IGSF11: variants seen among roughly 807,000 people sequenced by gnomAD.
IGSF11 encodes the protein CXADR like 1.
Under a neutral mutation model 41.0 loss-of-function variants are expected in IGSF11, and 22 were observed. That is an observed-to-expected ratio of 0.54 (90% CI 0.38 to 0.77). IGSF11 has a LOEUF of 0.77. Among genes scored for constraint, IGSF11 ranks in the 30% least tolerant of loss-of-function variants. IGSF11 has a pLI of 0.00. For synonymous variants in IGSF11, 219 were observed against 201.3 expected, an observed-to-expected ratio of 1.09 and a Z score of -0.74; for missense variants, 444 against 530.8, an observed-to-expected ratio of 0.84 and a Z score of 1.61.
At chr3:118,963,488 T>C (rs1221241194) in intron 1 of IGSF11, among the ~76,000 whole-genome samples, 1 of 152,204 alleles carries the variant, frequency 6.6e-6, no homozygotes, top group Non-Finnish European at 1.5e-5. Flanking sequence ...ATCTTTATTC[T>C]GATGAGGGTT....
intron 1 of IGSF11, among the ~76,000 whole-genome samples, chr3:119,057,341 G>A (rs1035908431): frequency 6.6e-6 from 1 of 151,988 alleles, no homozygotes; most frequent in Non-Finnish European, 1.5e-5. Context: ...GACAAACAGA[G>A]AGCCAAATCA....
intron 1 of IGSF11, among the ~76,000 whole-genome samples, chr3:119,008,497 A>G (rs1372798229): frequency 6.6e-6 from 1 of 152,258 alleles, no homozygotes; most frequent in Admixed American, 6.5e-5. Context: ...AGAGAGGTAG[A>G]AAGAGAATCA....
intron 1 of IGSF11, among the ~76,000 whole-genome samples, chr3:119,132,747 C>A (rs1008534983): frequency 1.3e-5 from 2 of 152,166 alleles, no homozygotes; most frequent in Non-Finnish European, 2.9e-5. Flanking sequence ...ACTCTCCACC[C>A]CAAATCAATA....
intron 1 of IGSF11, among the ~76,000 whole-genome samples, chr3:119,139,106 G>C (rs1359671818): frequency 6.6e-6 from 1 of 151,922 alleles, no homozygotes; most frequent in Non-Finnish European, 1.5e-5. Flanking sequence ...TTGCATACTT[G>C]TATCAAAATA....
At chr3:119,070,723 A>G (rs893673044) in intron 1 of IGSF11, among the ~76,000 whole-genome samples, 1 of 152,184 alleles carries the variant, frequency 6.6e-6, no homozygotes, top group Non-Finnish European at 1.5e-5. Context: ...GCACCTGTGG[A>G]ATAAAGACAA....
rs973473846 is a variant in IGSF11, at chr3:118,926,001, T to C, written c.580+100A>G. On this transcript the variant is annotated intron_variant, in intron 4 of 6. Coordinates refer to ENST00000393775, the MANE Select transcript of IGSF11 (RefSeq NM_001015887.3). Reference sequence around the variant, plus strand: ...ATCCAGAAAGCTTTTTCAGCAGTTATAGGGTGTTATTTTTCAAAACCTATT... The same window carrying C: ...ATCCAGAAAGCTTTTTCAGCAGTTACAGGGTGTTATTTTTCAAAACCTATT... The C allele has an allele frequency of 3.6e-5, 30 of 835,980 alleles. No homozygotes were observed. In the African/African-American group the frequency reaches 4.1e-4, roughly 11 times the overall value. The allele number at this position is 835,980 out of a possible 1,614,324, so 51.8% of individuals were successfully genotyped here.
At chr3:119,107,270 G>A (rs1209218718), upstream of IGSF11, among the ~76,000 whole-genome samples, 1 of 152,288 alleles carries the variant, frequency 6.6e-6, no homozygotes, top group South Asian at 2.1e-4. Context: ...ACTCTTCAAT[G>A]ATCACCATTC....
intron 1 of IGSF11, among the ~76,000 whole-genome samples, chr3:118,946,392 C>T (rs1229365428): frequency 6.6e-6 from 1 of 151,100 alleles, no homozygotes; most frequent in African/African-American, 2.4e-5. Flanking sequence ...ATACTTGCAA[C>T]CTATTTATAG....
At chr3:118,983,411 G>A (rs1262718381) in intron 1 of IGSF11, 1 of 152,132 alleles carries the variant, frequency 6.6e-6, no homozygotes, top group Non-Finnish European at 1.5e-5. Flanking sequence ...AAATATACAA[G>A]ACACAGTTAA....
At chr3:118,961,924 T>C (rs973227609) in intron 1 of IGSF11, among the ~76,000 whole-genome samples, 1 of 152,222 alleles carries the variant, frequency 6.6e-6, no homozygotes. Context: ...AACCAACACA[T>C]TCTCATTTCT....
chr3:118,954,555 G>C (rs1260316841), intron 1 of IGSF11, among the ~76,000 whole-genome samples: 1 of 152,030 alleles, frequency 6.6e-6, no homozygotes, highest in East Asian at 1.9e-4. Context: ...TGACAAAAAT[G>C]TTCTTAATGG....
upstream of IGSF11, among the ~76,000 whole-genome samples, chr3:119,035,141 A>C (rs2107742590): frequency 6.6e-6 from 1 of 152,206 alleles, no homozygotes; most frequent in East Asian, 1.9e-4. Context: ...CTTGGTCTAA[A>C]CCCCTCCGCA....
intron 1 of IGSF11, among the ~76,000 whole-genome samples, chr3:118,984,643 G>C (rs1935077229): frequency 6.6e-6 from 1 of 152,076 alleles, no homozygotes; most frequent in Non-Finnish European, 1.5e-5. Flanking sequence ...GGTAGGAAGA[G>C]ACAGGTTACC....
At chr3:118,917,038 A>T (rs1941202813) in intron 4 of IGSF11, among the ~76,000 whole-genome samples, 1 of 152,204 alleles carries the variant, frequency 6.6e-6, no homozygotes, top group African/African-American at 2.4e-5. Context: ...AGGCAGAAAT[A>T]AAGATGTTCT....
chr3:119,007,172 C>T (rs1045855513), intron 1 of IGSF11, among the ~76,000 whole-genome samples: 1 of 144,124 alleles, frequency 6.9e-6, no homozygotes, highest in African/African-American at 2.7e-5. Flanking sequence ...CGTGGTGCGC[C>T]GTTTTTTAAG....
chr3:118,978,618 C>G (rs977487709), intron 1 of IGSF11, among the ~76,000 whole-genome samples: 1 of 152,224 alleles, frequency 6.6e-6, no homozygotes, highest in Non-Finnish European at 1.5e-5. Flanking sequence ...AACTTCACCA[C>G]AGCCTTCTCT....
At chr3:119,071,661 C>T (rs2076402042) in intron 1 of IGSF11, among the ~76,000 whole-genome samples, 1 of 152,164 alleles carries the variant, frequency 6.6e-6, no homozygotes, top group South Asian at 2.1e-4. Flanking sequence ...AATTTCTGGA[C>T]TTCTCAATTA....
chr3:118,935,407 C>CAT, intron 1 of IGSF11, among the ~76,000 whole-genome samples: 1 of 142,508 alleles, frequency 7.0e-6, no homozygotes, highest in South Asian at 2.3e-4. Context: ...TACACACACA[C>CAT]ATATACATAC....
chr3:118,912,641 G>C (rs1940472910), intron 4 of IGSF11, among the ~76,000 whole-genome samples: 1 of 152,022 alleles, frequency 6.6e-6, no homozygotes, highest in African/African-American at 2.4e-5. Context: ...GAACAATCCA[G>C]GTGAAGCGTT....
Sources: allele counts gnomAD v4.1 joint callset (sites outside exome capture counted in the v4.1 genomes callset), GRCh38; gene constraint gnomAD v4.1.1; transcripts MANE v1.5; gene names NCBI Gene and HGNC (gene_info 2026-07-23, HGNC 2026-07-21).